Variants in TGFB2 observed in about 807,000 individuals in gnomAD.
The protein encoded by TGFB2 is transforming growth factor beta 2.
Under a neutral mutation model 42.7 loss-of-function variants are expected in TGFB2, and 13 were observed. The ratio of observed to expected loss-of-function variants is 0.30; its 90% confidence interval spans 0.20 to 0.48. The LOEUF is 0.48. Among genes scored for constraint, TGFB2 ranks in the 20% least tolerant of loss-of-function variants. TGFB2 has a pLI of 0.99. For missense variants in TGFB2, 390 were observed against 517.5 expected (o/e 0.75, Z 2.39); for synonymous variants, 193 against 193.6 (o/e 1.00, Z 0.03).
Position 218,345,947 on chromosome 1 carries a change from G to A in TGFB2, c.-755G>A, listed in dbSNP as rs1418000242. ...CAGCTCCCAGAGCAGGATCCGCGCC[G>A]CCTCAGCAGCCTCTGCGGCCCCTGC... On this transcript the variant is annotated 5_prime_UTR_variant, in exon 1 of 7. Coordinates refer to ENST00000366930, the MANE Select transcript of TGFB2 (RefSeq NM_003238.6). Among the ~76,000 whole-genome samples, 1 of 151,932 alleles carries A rather than the reference G, an allele frequency of 6.6e-6. No homozygotes were observed. The highest frequency in any genetic ancestry group is 2.4e-5 in the African/African-American group (1 of 41,364).
intron 1 of TGFB2, among the ~76,000 whole-genome samples, chr1:218,404,205 G>A (rs1042532697): frequency 1.3e-5 from 2 of 152,072 alleles, no homozygotes; most frequent in Non-Finnish European, 1.5e-5. Context: ...CTCCGCCCCC[G>A]GGGTTCAAGC....
chr1:218,391,127 C>T (rs1010539502), intron 1 of TGFB2, among the ~76,000 whole-genome samples: 6 of 152,180 alleles, frequency 3.9e-5, no homozygotes, highest in Non-Finnish European at 7.3e-5. Flanking sequence ...TATTTTGAAA[C>T]GAATTCCTCA....
At position 218,443,984 on chromosome 1, in the gene TGFB2, T is replaced by A. The variant is rs994377706; in HGVS notation, c.*2622T>A. On this transcript the variant is annotated 3_prime_UTR_variant, in exon 7 of 7. Coordinates refer to ENST00000366930, the MANE Select transcript of TGFB2 (RefSeq NM_003238.6). ...TGTGGTGCTCTAGTGGTAAATAAAT[T>A]ATTTCGATGATATGTGGATGTCTTT... The A allele has an allele frequency of 3.9e-5, 6 of 152,168 alleles. No homozygotes were observed. Among genetic ancestry groups the A allele is most frequent in the South Asian group, 2.1e-4 (1 of 4,828 alleles). The allele number at this position is 152,168 out of a possible 1,614,324, so 9.4% of individuals were successfully genotyped here. A position where few individuals can be genotyped will look rare whatever the true frequency, so the allele number is the denominator to read the frequency against.
chr1:218,352,055 G>A (rs1656883739), intron 1 of TGFB2, among the ~76,000 whole-genome samples: 1 of 152,068 alleles, frequency 6.6e-6, no homozygotes, highest in Non-Finnish European at 1.5e-5. Context: ...GAGGTGTGCA[G>A]GGTCACCACT....
At chr1:218,416,382 T>C (rs1245763738) in intron 2 of TGFB2, among the ~76,000 whole-genome samples, 1 of 152,154 alleles carries the variant, frequency 6.6e-6, no homozygotes, top group African/African-American at 2.4e-5. Context: ...CATGCATGTT[T>C]TTTTTCTCAA....
At chr1:218,388,861 T>A (rs1206732867) in intron 1 of TGFB2, among the ~76,000 whole-genome samples, 1 of 152,212 alleles carries the variant, frequency 6.6e-6, no homozygotes, top group South Asian at 2.1e-4. Flanking sequence ...TTTGTTTTAA[T>A]GTTGCTGTAT....
intron 2 of TGFB2, among the ~76,000 whole-genome samples, chr1:218,408,753 C>G (rs528412123): frequency 1.1e-4 from 16 of 152,140 alleles, no homozygotes; most frequent in African/African-American, 3.9e-4. Context: ...AGGAGGACAC[C>G]GTGACATCAA....
intron 2 of TGFB2, among the ~76,000 whole-genome samples, chr1:218,431,793 A>G (rs1184429648): frequency 6.6e-6 from 1 of 152,168 alleles, no homozygotes; most frequent in African/African-American, 2.4e-5. Context: ...CTTCTCAACC[A>G]TTGTTTTTCT....
chr1:218,366,135 G>A lies in TGFB2; in HGVS notation c.346+19088G>A, dbSNP rs376320520. Among the ~76,000 whole-genome samples, 109 of 152,290 alleles carry A rather than the reference G, an allele frequency of 7.2e-4. 1 individual carries two copies. The highest frequency in any genetic ancestry group is 2.5e-3 in the African/African-American group (105 of 41,544). ...TTAAGATGTGGTTAGCCTGCCTAAA[G>A]GTTTTCCTATTAAGACATAAGAATC... On this transcript the variant is annotated intron_variant, in intron 1 of 6. Coordinates refer to ENST00000366930, the MANE Select transcript of TGFB2 (RefSeq NM_003238.6).
intron 1 of TGFB2, among the ~76,000 whole-genome samples, chr1:218,389,606 T>A (rs1658257011): frequency 6.6e-6 from 1 of 152,194 alleles, no homozygotes; most frequent in Non-Finnish European, 1.5e-5. Context: ...TCAAAACCCC[T>A]CTGGCCAATG....
At chr1:218,422,416 T>A (rs1659487251) in intron 2 of TGFB2, among the ~76,000 whole-genome samples, 1 of 152,030 alleles carries the variant, frequency 6.6e-6, no homozygotes, top group South Asian at 2.1e-4. Flanking sequence ...AGGTGAGGTC[T>A]CATTATGTTG....
intron 1 of TGFB2, among the ~76,000 whole-genome samples, chr1:218,392,415 G>A (rs755076555): frequency 2.0e-5 from 3 of 152,196 alleles, no homozygotes; most frequent in Non-Finnish European, 4.4e-5. Flanking sequence ...CGAGTGGAAA[G>A]GGAATAGATC....
rs74897546 is a variant in TGFB2 at position 218,352,676 on chromosome 1, C to T, written c.346+5629C>T. 1.2e-4 allele frequency among the ~76,000 whole-genome samples: 19 copies of T among 152,330 alleles called. No homozygotes were observed. In the East Asian group the frequency reaches 3.7e-3, roughly 29 times the overall value. ...AGTGGGTGTTTAAGTGCCCCACACT[C>T]TCACCACTACCTTACTTCCTGAATT... On this transcript the variant is annotated intron_variant, in intron 1 of 6. Transcript: ENST00000366930.
chr1:218,395,529 G>A (rs1463260965), intron 1 of TGFB2, among the ~76,000 whole-genome samples: 5 of 151,900 alleles, frequency 3.3e-5, no homozygotes, highest in Non-Finnish European at 7.4e-5. Flanking sequence ...GAAAAGCTTT[G>A]GATTCAAAGG....
chr1:218,368,170 G>T (rs1369524758), intron 1 of TGFB2, among the ~76,000 whole-genome samples: 1 of 151,134 alleles, frequency 6.6e-6, no homozygotes, highest in African/African-American at 2.4e-5. Flanking sequence ...TTGAGACGGA[G>T]TTTCACTCTT....
intron 2 of TGFB2, among the ~76,000 whole-genome samples, chr1:218,421,405 G>T (rs540038522): frequency 7.0e-6 from 1 of 143,884 alleles, no homozygotes; most frequent in Admixed American, 7.0e-5. Context: ...ATAAAAGACC[G>T]ATTGTTCAGG....
intron 4 of TGFB2, among the ~76,000 whole-genome samples, chr1:218,435,057 C>T (rs1184616898): frequency 1.3e-5 from 2 of 152,150 alleles, no homozygotes; most frequent in Non-Finnish European, 2.9e-5. Context: ...TGAGGCGATA[C>T]CAAGGGCTCA....
intron 1 of TGFB2, among the ~76,000 whole-genome samples, chr1:218,353,745 T>C (rs780460745): frequency 9.9e-5 from 15 of 152,086 alleles, no homozygotes; most frequent in Non-Finnish European, 1.8e-4. Context: ...GAGAATTTAG[T>C]TGGGCCTGGT....
intron 2 of TGFB2, among the ~76,000 whole-genome samples, chr1:218,413,595 C>T (rs1252031202): frequency 6.6e-6 from 1 of 152,150 alleles, no homozygotes; most frequent in Non-Finnish European, 1.5e-5. Flanking sequence ...AGTGAAAGTA[C>T]AGATGGTCCC....
Sources: allele counts gnomAD v4.1 joint callset (sites outside exome capture counted in the v4.1 genomes callset), GRCh38; gene constraint gnomAD v4.1.1; transcripts MANE v1.5; gene names NCBI Gene and HGNC (gene_info 2026-07-23, HGNC 2026-07-21).